Variants in ALDH6A1 observed in about 807,000 individuals in gnomAD.
ALDH6A1 encodes methylmalonate-semialdehyde/malonate-semialdehyde dehydrogenase [acylating], mitochondrial.
A neutral mutation model predicts 62.6 loss-of-function variants in ALDH6A1; 43 were observed. The ratio of observed to expected loss-of-function variants is 0.69; its 90% CI spans 0.54 to 0.89. The LOEUF is 0.89. Ranked by LOEUF, ALDH6A1 falls within the 40% of genes least tolerant of loss-of-function variation. The pLI, the probability that ALDH6A1 is intolerant of heterozygous loss-of-function variation, is 0.00. For missense variants in ALDH6A1, 551 were observed against 661.3 expected (o/e 0.83, Z 1.83); for synonymous variants, 194 against 234.2 (o/e 0.83, Z 1.57).
At chr14:74,066,329 A>G (rs1213162179) in intron 9 of ALDH6A1, among the ~76,000 whole-genome samples, 1 of 152,246 alleles carries the variant, frequency 6.6e-6, no homozygotes, top group Non-Finnish European at 1.5e-5. Flanking sequence ...AAAAAAATTA[A>G]TCATATATAA....
At chr14:74,079,339 C>T (rs879383242) in intron 1 of ALDH6A1, among the ~76,000 whole-genome samples, 7 of 151,826 alleles carry the variant, frequency 4.6e-5, no homozygotes, top group Admixed American at 2.0e-4. Flanking sequence ...CTCCACCTCC[C>T]GGGTTCAGGC....
chr14:74,070,468 G>A (rs900567513), intron 6 of ALDH6A1, among the ~76,000 whole-genome samples: 9 of 152,042 alleles, frequency 5.9e-5, no homozygotes, highest in Non-Finnish European at 8.8e-5. Flanking sequence ...AGAGTGAGCC[G>A]AGATCGCACC....
chr14:74,064,880 A>G lies in ALDH6A1; in HGVS notation c.1445T>C (p.Phe482Ser). The G allele has an allele frequency of 6.2e-7, 1 of 1,614,138 alleles. No homozygotes were observed. Among genetic ancestry groups the G allele is most frequent in the Admixed American group, 1.7e-5 (1 of 59,996 alleles). ...GGAGGATCGAGAGCCGGTGAATGAG[A>G]ACATTGGCAAAGGCACTGGAATGGG... The part of the protein sequence containing the change: ...NVPIPVPLPM[F>S]SFTGSRSSFR... The change falls in exon 11 of 12, where the codon TTC becomes TCC. Residue 482 changes from phenylalanine (F) to serine (S), a missense_variant. By Grantham distance (155) the Phe-to-Ser change is radical (BLOSUM62 -2). Coordinates refer to ENST00000553458, the MANE Select transcript of ALDH6A1 (RefSeq NM_005589.4).
chr14:74,067,344 G>A (rs1337611973), intron 8 of ALDH6A1, 36 bp downstream of exon 8: 1 of 1,611,106 alleles, frequency 6.2e-7, no homozygotes, highest in Admixed American at 1.7e-5. Flanking sequence ...TGCCACAGAT[G>A]CAAAATCTAA....
Position 74,060,584 on chromosome 14 carries a change from C to G in ALDH6A1, c.*58G>C. 8.2e-6 allele frequency: 10 copies of G among 1,217,180 alleles called. No homozygotes were observed. The highest frequency in any genetic ancestry group is 3.8e-4 in the Middle Eastern group (2 of 5,302). 75.4% of individuals were successfully genotyped at this position (1,217,180 alleles called of 1,614,324 possible). A position where few individuals can be genotyped will look rare whatever the true frequency, so the allele number is the denominator to read the frequency against. Reference sequence around the variant, plus strand: ...ATCTGAGCAAAGCTGACAAATGAAGCTGGTCAAAAATAAAGGGAGATTACT... The same window carrying G: ...ATCTGAGCAAAGCTGACAAATGAAGGTGGTCAAAAATAAAGGGAGATTACT... On this transcript the variant is annotated 3_prime_UTR_variant, in exon 12 of 12. Coordinates refer to ENST00000553458, the MANE Select transcript of ALDH6A1 (RefSeq NM_005589.4).
In ALDH6A1 at chr14:74,075,022, G is replaced by A. The variant is rs373676542; in HGVS notation, c.49-5C>T. On this transcript the variant is annotated splice_polypyrimidine_tract_variant and splice_region_variant and intron_variant, in intron 1 of 11. Coordinates refer to ENST00000553458, the MANE Select transcript of ALDH6A1 (RefSeq NM_005589.4). ...GGATTTCACCTTGGAAGAAACCTGT[G>A]AGGCAAAAGAACGATTATTTTGATA... is the stretch of plus-strand genomic sequence containing the variant. 10 of 1,613,520 alleles carry A rather than the reference G, an allele frequency of 6.2e-6. No individual in the cohort carries two copies. The African/African-American group carries it at 1.1e-4, about 17-fold the overall frequency.
Position 74,071,924 on chromosome 14 carries a change from A to G in ALDH6A1, c.399T>C (p.Asp133=), listed in dbSNP as rs2060555536. 1 of 1,614,254 alleles carries G rather than the reference A, an allele frequency of 6.2e-7. No individual in the cohort carries two copies. ...ITLEQGKTLA[D]AEGDVFRGLQ... The stretch of plus-strand genomic sequence containing the variant: ...GGCCTCGAAATACATCTCCTTCAGC[A>G]TCAGCTAGGGTCTTCCCTTGTTCCA... Residue 133 remains aspartate (D), a synonymous_variant, in exon 5 of 12, where the codon GAT becomes GAC. Coordinates refer to ENST00000553458, the MANE Select transcript of ALDH6A1 (RefSeq NM_005589.4).
chr14:74,076,580 A>G (rs1416391883), intron 1 of ALDH6A1, among the ~76,000 whole-genome samples: 1 of 152,084 alleles, frequency 6.6e-6, no homozygotes, highest in East Asian at 1.9e-4. Flanking sequence ...CTCATTGACC[A>G]GGCTGGAGTA....
At chr14:74,062,323 C>T (rs2060364380) in intron 11 of ALDH6A1, among the ~76,000 whole-genome samples, 1 of 151,604 alleles carries the variant, frequency 6.6e-6, no homozygotes, top group African/African-American at 2.4e-5. Flanking sequence ...GTGACTAGGC[C>T]GGGTGCGGTG....
At chr14:74,073,334 G>A (rs1287008107) in intron 2 of ALDH6A1, among the ~76,000 whole-genome samples, 2 of 151,274 alleles carry the variant, frequency 1.3e-5, no homozygotes, top group African/African-American at 4.9e-5. Context: ...CGAACTCCTG[G>A]GCTCAAGTGA....
At chr14:74,080,235 T>C (rs2060657196) in intron 1 of ALDH6A1, among the ~76,000 whole-genome samples, 1 of 152,122 alleles carries the variant, frequency 6.6e-6, no homozygotes, top group South Asian at 2.1e-4. Flanking sequence ...CAGTCTGTCC[T>C]AGAATTGTTT....
chr14:74,078,449 G>A (rs1443250092), intron 1 of ALDH6A1: 4 of 270,568 alleles, frequency 1.5e-5, no homozygotes, highest in South Asian at 3.4e-5. Flanking sequence ...CATCTCCTGG[G>A]CTCAAGCCAT....
In ALDH6A1 at chr14:74,060,106, A is replaced by G. The variant is rs1595101645; in HGVS notation, c.*536T>C. ...TTATTTCTGTCCTGTTTCCCCATCT[A>G]AGAGTTCTTCTTGCAATTATTGGAA... On this transcript the variant is annotated 3_prime_UTR_variant, in exon 12 of 12. Transcript: ENST00000553458. 1 of 160,582 alleles carries G rather than the reference A, an allele frequency of 6.2e-6. No individual in the cohort carries two copies. Among genetic ancestry groups the G allele is most frequent in the African/African-American group, 2.4e-5 (1 of 41,464 alleles). The allele number at this position is 160,582 out of a possible 1,614,324, so 9.9% of individuals were successfully genotyped here. A position where few individuals can be genotyped will look rare whatever the true frequency, so the allele number is the denominator to read the frequency against.
At position 74,064,885 on chromosome 14, in the gene ALDH6A1, T is replaced by C; in HGVS notation, c.1440A>G (p.Pro480=). 6.2e-7 allele frequency: 1 copy of C among 1,614,106 alleles called. No homozygotes were observed. The highest frequency in any genetic ancestry group is 1.1e-5 in the South Asian group (1 of 91,082). The change falls in exon 11 of 12, where the codon CCA becomes CCG. Residue 480 remains proline (P), a synonymous_variant. Transcript: ENST00000553458. ...ATCGAGAGCCGGTGAATGAGAACATTGGCAAAGGCACTGGAATGGGGACAT... is the reference window on the plus strand; with the variant it reads ...ATCGAGAGCCGGTGAATGAGAACATCGGCAAAGGCACTGGAATGGGGACAT... ...GVNVPIPVPL[P]MFSFTGSRSS...
chr14:74,061,072 G>A (rs550206020), intron 11 of ALDH6A1, among the ~76,000 whole-genome samples: 33 of 152,010 alleles, frequency 2.2e-4, no homozygotes, highest in African/African-American at 6.5e-4. Context: ...CTGCCTCCCG[G>A]GTTCAAGCAG....
chr14:74,066,745 T>C lies in ALDH6A1; in HGVS notation c.1184A>G (p.Asn395Ser), dbSNP rs769625759. ...GRKIKVKGYE[N>S]GNFVGPTIIS... is the part of the protein sequence containing the mutation. Reference sequence around the variant, plus strand: ...GATGGTTGGTCCAACAAAGTTGCCATTTTCATAGCCTTTCACTTTAATTTT... The same window carrying C: ...GATGGTTGGTCCAACAAAGTTGCCACTTTCATAGCCTTTCACTTTAATTTT... The change falls in exon 9 of 12, where the codon AAT becomes AGT. Residue 395 changes from asparagine (N) to serine (S), a missense_variant. Transcript: ENST00000553458. The C allele has an allele frequency of 3.7e-6, 6 of 1,614,108 alleles. No homozygotes were observed. The South Asian group carries it at 6.6e-5, about 18-fold the overall frequency.
In ALDH6A1 at chr14:74,072,551, C is replaced by A; in HGVS notation, c.172G>T (p.Asp58Tyr). The A allele has an allele frequency of 6.2e-7, 1 of 1,614,042 alleles. No homozygotes were observed. Among genetic ancestry groups the A allele is most frequent in the South Asian group, 1.1e-5 (1 of 91,076 alleles). Residue 58 changes from aspartate to tyrosine, a missense_variant, in exon 3 of 12, where the codon GAT (aspartate) becomes TAT (tyrosine). Asp to Tyr is a radical substitution (Grantham distance 160, BLOSUM62 -3). Coordinates refer to ENST00000553458, the MANE Select transcript of ALDH6A1 (RefSeq NM_005589.4). ...GCTTCGCTTACTGGGTTGTGGATAT[C>A]GATCCATTTGTCACTTTTGGATTCA... ...FVESKSDKWI[D>Y]IHNPATNEVI...
At position 74,074,935 on chromosome 14, in the gene ALDH6A1, T is replaced by C; in HGVS notation, c.111+20A>G. ...CTGAATTCCTTCTCAGAAGTCAACC[T>C]CTATGCCAAATAAACTCACCACTGA... On this transcript the variant is annotated intron_variant, in intron 2 of 11. Transcript: ENST00000553458. 1 of 1,612,442 alleles carries C rather than the reference T, an allele frequency of 6.2e-7. No homozygotes were observed. Among genetic ancestry groups the C allele is most frequent in the South Asian group, 1.1e-5 (1 of 91,026 alleles).
At chr14:74,066,070 A>G (rs2060458810) in intron 9 of ALDH6A1, 2 of 154,810 alleles carry the variant, frequency 1.3e-5, no homozygotes, top group Non-Finnish European at 2.9e-5. Flanking sequence ...CAAAGTTTTG[A>G]TAAATAAAAA....
Sources: gnomAD v4.1 joint callset for allele counts (sites outside exome capture counted in the v4.1 genomes callset) on GRCh38, gnomAD v4.1.1 for gene constraint, MANE v1.5 for transcripts, NCBI Gene and HGNC (gene_info 2026-07-23, HGNC 2026-07-21) for gene names.